PXDNL: variants seen among roughly 807,000 people sequenced by gnomAD.
PXDNL encodes peroxidasin like.
PXDNL carries 145 observed loss-of-function variants against 150.8 expected under a neutral mutation model. The observed-to-expected ratio is 0.96, with a 90% CI of 0.84 to 1.10. The LOEUF (loss-of-function observed/expected upper bound fraction) is 1.10, where lower values mean the gene tolerates loss of function less well. PXDNL is among the 50% of genes least tolerant of loss of function. The probability of loss-of-function intolerance (pLI) is 0.00; values close to 1 mark genes in which losing one functional copy is unlikely to be tolerated. For missense variants in PXDNL, 2,087 were observed against 1,873.9 expected (o/e 1.11, Z -2.10); for synonymous variants, 757 against 725.7 (o/e 1.04, Z -0.69).
intron 14 of PXDNL, among the ~76,000 whole-genome samples, chr8:51,416,931 A>C (rs2129675036): frequency 6.6e-6 from 1 of 152,334 alleles, no homozygotes; most frequent in African/African-American, 2.4e-5. Context: ...TGATTTTTTA[A>C]GTTTATGTGG....
intron 17 of PXDNL, among the ~76,000 whole-genome samples, chr8:51,390,793 G>A (rs1478927935): frequency 6.6e-6 from 1 of 151,644 alleles, no homozygotes; most frequent in Admixed American, 6.6e-5. Flanking sequence ...TGTGCACAAT[G>A]TGCAGGTTAG....
chr8:51,705,832 T>TGTGTGC lies in PXDNL; in HGVS notation c.165-51073_165-51072insGCACAC, dbSNP rs1349926589. Among the ~76,000 whole-genome samples the TGTGTGC allele has an allele frequency of 6.0e-5, 9 of 149,710 alleles. No homozygotes were observed. In the East Asian group the frequency reaches 8.0e-4, roughly 13 times the overall value. On this transcript the variant is annotated intron_variant, in intron 1 of 22. Transcript: ENST00000356297. ...CTGTGTGTGTGTGTGTGTGTGTGTGTGCGCGCGCGCGCGCGCGCGCGTGCA... is the reference window on the plus strand; with the variant it reads ...CTGTGTGTGTGTGTGTGTGTGTGTGTGTGTGCGCGCGCGCGCGCGCGCGCGCGTGCA...
At chr8:51,636,941 C>T (rs915445999) in intron 2 of PXDNL, among the ~76,000 whole-genome samples, 10 of 152,070 alleles carry the variant, frequency 6.6e-5, no homozygotes, top group African/African-American at 2.4e-4. Context: ...GAGGTAACCC[C>T]CAGTAGGGGC....
chr8:51,506,342 A>G (rs1030652677), intron 4 of PXDNL, among the ~76,000 whole-genome samples: 1 of 152,076 alleles, frequency 6.6e-6, no homozygotes, highest in Admixed American at 6.5e-5. Context: ...GGAGATTGAG[A>G]CCATCCTGGC....
chr8:51,366,613 AAAAT>A (rs1411959102), intron 19 of PXDNL, among the ~76,000 whole-genome samples: 1 of 152,256 alleles, frequency 6.6e-6, no homozygotes, highest in African/African-American at 2.4e-5. Flanking sequence ...AATAATGGGA[AAAAT>A]AAATAAGGCT....
At chr8:51,537,247 G>A (rs1326120087) in intron 4 of PXDNL, among the ~76,000 whole-genome samples, 1 of 152,164 alleles carries the variant, frequency 6.6e-6, no homozygotes, top group Non-Finnish European at 1.5e-5. Context: ...TGGGCAGGCA[G>A]TGCCCAGGTG....
chr8:51,563,260 T>C (rs1353324551), intron 3 of PXDNL, among the ~76,000 whole-genome samples: 2 of 151,962 alleles, frequency 1.3e-5, no homozygotes, highest in Admixed American at 1.3e-4. Flanking sequence ...AAGTCCAAGA[T>C]CAAGGTCTGG....
chr8:51,623,947 G>A (rs533068428), intron 2 of PXDNL, among the ~76,000 whole-genome samples: 1 of 151,970 alleles, frequency 6.6e-6, no homozygotes, highest in South Asian at 2.1e-4. Flanking sequence ...TAAAAAAGTA[G>A]CCTGCTGTGG....
intron 19 of PXDNL, among the ~76,000 whole-genome samples, chr8:51,349,757 T>C (rs1294419731): frequency 1.3e-5 from 2 of 152,230 alleles, no homozygotes; most frequent in Non-Finnish European, 2.9e-5. Flanking sequence ...CAGGCAATCC[T>C]ATGTCTTTCC....
At chr8:51,787,100 G>A (rs370487656) in intron 1 of PXDNL, among the ~76,000 whole-genome samples, 200 of 140,836 alleles carry the variant, frequency 1.4e-3, no homozygotes, top group African/African-American at 1.7e-3. Context: ...CTACTTCCCA[G>A]AAAAAAAAAA....
At chr8:51,350,429 G>A (rs1273421211) in intron 19 of PXDNL, among the ~76,000 whole-genome samples, 1 of 132,028 alleles carries the variant, frequency 7.6e-6, no homozygotes, top group Admixed American at 9.7e-5. Context: ...ATGCGATCTC[G>A]GCTAACTGCA....
At chr8:51,662,465 T>C (rs1815296628) in intron 1 of PXDNL, among the ~76,000 whole-genome samples, 2 of 152,188 alleles carry the variant, frequency 1.3e-5, no homozygotes, top group Non-Finnish European at 2.9e-5. Context: ...GAGCTGAGAT[T>C]GTGCCACTGC....
At chr8:51,414,005 T>G (rs1808723030) in intron 14 of PXDNL, among the ~76,000 whole-genome samples, 1 of 152,112 alleles carries the variant, frequency 6.6e-6, no homozygotes, top group Non-Finnish European at 1.5e-5. Flanking sequence ...AACAATAACT[T>G]TTTGGCACTG....
rs747609078 is a variant in PXDNL, at chr8:51,453,584, C to T, written c.1184G>A (p.Arg395Gln). Residue 395 changes from arginine to glutamine, a missense_variant, in exon 10 of 23, where the codon CGA (arginine) becomes CAA (glutamine). Coordinates refer to ENST00000356297, the MANE Select transcript of PXDNL (RefSeq NM_144651.5). ...GCTATTGTTGGCATGACAGGTAAATCGACCATGATCCCGTTGTGTGATGTT... is the reference window on the plus strand; with the variant it reads ...GCTATTGTTGGCATGACAGGTAAATTGACCATGATCCCGTTGTGTGATGTT... Reference protein sequence around the residue: ...LQNITQRDHGRFTCHANNSHG... With the variant: ...LQNITQRDHGQFTCHANNSHG... 1.2e-5 allele frequency: 20 copies of T among 1,613,882 alleles called. No individual in the cohort carries two copies. Among genetic ancestry groups the T allele is most frequent in the South Asian group, 7.7e-5 (7 of 91,090 alleles).
At chr8:51,383,954 C>T (rs1238441567) in intron 17 of PXDNL, among the ~76,000 whole-genome samples, 2 of 152,128 alleles carry the variant, frequency 1.3e-5, no homozygotes, top group Admixed American at 6.6e-5. Context: ...GTTATACATG[C>T]TCACCTGATT....
chr8:51,522,876 A>AG (rs1811691632), intron 4 of PXDNL, among the ~76,000 whole-genome samples: 1 of 139,324 alleles, frequency 7.2e-6, no homozygotes, highest in Non-Finnish European at 1.6e-5. Flanking sequence ...ACAAACAAAC[A>AG]AAAAAAAAAC....
intron 21 of PXDNL, among the ~76,000 whole-genome samples, chr8:51,330,444 C>T (rs1193435169): frequency 1.3e-5 from 2 of 152,120 alleles, no homozygotes; most frequent in Non-Finnish European, 2.9e-5. Flanking sequence ...GAATTTTCGA[C>T]AGGCTGTTTC....
intron 1 of PXDNL, among the ~76,000 whole-genome samples, chr8:51,680,810 T>C (rs1202488543): frequency 2.0e-5 from 3 of 151,848 alleles, no homozygotes; most frequent in East Asian, 1.9e-4. Flanking sequence ...TTCTGTCTCA[T>C]AGGACTGTTG....
At chr8:51,784,171 GCAAGAGGTGGA>G (rs1213101547) in intron 1 of PXDNL, among the ~76,000 whole-genome samples, 1 of 152,118 alleles carries the variant, frequency 6.6e-6, no homozygotes, top group Admixed American at 6.5e-5. Context: ...TCTTTTTCTA[GCAAGAGGTGGA>G]CATATTTGAT....
Sources: allele counts gnomAD v4.1 joint callset (sites outside exome capture counted in the v4.1 genomes callset), GRCh38; gene constraint gnomAD v4.1.1; transcripts MANE v1.5; gene names NCBI Gene and HGNC (gene_info 2026-07-23, HGNC 2026-07-21).